Variants in DYM observed in about 807,000 individuals in gnomAD.
DYM encodes dymeclin, also known as dyggve-Melchior-Clausen syndrome protein.
A neutral mutation model predicts 93.1 loss-of-function variants in DYM; 78 were observed. The ratio of observed to expected loss-of-function variants is 0.84; its 90% CI spans 0.70 to 1.01. The LOEUF (loss-of-function observed/expected upper bound fraction) is 1.01. Among genes scored for constraint, DYM ranks in the 50% least tolerant of loss-of-function variants. DYM has a pLI of 0.00. For missense variants in DYM, 789 were observed against 845.0 expected (o/e 0.93, Z 0.82); for synonymous variants, 321 against 319.7 (o/e 1.00, Z -0.04).
At chr18:49,097,874 G>GCTCTCT (rs61301668) in intron 16 of DYM, among the ~76,000 whole-genome samples, 8,060 of 141,130 alleles carry the variant, frequency 0.057, 313 homozygotes, top group Non-Finnish European at 0.082. Flanking sequence ...CTTAATATTA[G>GCTCTCT]CTCTCTCTCT....
At chr18:49,316,363 TAAGTTTTCACTG>T (rs1481618853) in intron 8 of DYM, among the ~76,000 whole-genome samples, 4 of 152,200 alleles carry the variant, frequency 2.6e-5, no homozygotes, top group African/African-American at 9.6e-5. Context: ...AAAGGGAATG[TAAGTTTTCACTG>T]GCTTATTTTG....
At chr18:49,430,493 C>G in intron 1 of DYM, 46 bp from the exon 2 acceptor site, 1 of 1,409,898 alleles carries the variant, frequency 7.1e-7, no homozygotes, top group Non-Finnish European at 9.8e-7. Context: ...CAAAAGTCAT[C>G]ATGCTTTGTC....
intron 8 of DYM, among the ~76,000 whole-genome samples, chr18:49,297,556 TA>T (rs1218385378): frequency 6.6e-6 from 1 of 152,146 alleles, no homozygotes; most frequent in African/African-American, 2.4e-5. Flanking sequence ...TACACTTAAA[TA>T]AAAAGTTTAC....
chr18:49,416,471 G>A (rs1053236819), intron 2 of DYM, among the ~76,000 whole-genome samples: 13 of 152,160 alleles, frequency 8.5e-5, no homozygotes, highest in Non-Finnish European at 1.8e-4. Context: ...TCAGGCTGCT[G>A]CTATACTGCT....
intron 8 of DYM, among the ~76,000 whole-genome samples, chr18:49,308,225 T>C (rs1245937881): frequency 2.0e-5 from 3 of 152,122 alleles, no homozygotes; most frequent in African/African-American, 7.2e-5. Flanking sequence ...TTTTCAGAAC[T>C]CTGAATGCTC....
intron 2 of DYM, among the ~76,000 whole-genome samples, chr18:49,421,486 C>T (rs972703225): frequency 1.3e-5 from 2 of 152,166 alleles, no homozygotes; most frequent in Non-Finnish European, 2.9e-5. Flanking sequence ...CCACACCAAA[C>T]CCCATCTGTA....
At chr18:49,108,482 C>A (rs976057105) in intron 16 of DYM, among the ~76,000 whole-genome samples, 1 of 152,240 alleles carries the variant, frequency 6.6e-6, no homozygotes, top group East Asian at 1.9e-4. Context: ...AGAAATCACC[C>A]GTCTTCTGCA....
chr18:49,443,673 G>C (rs1467752947), intron 1 of DYM, among the ~76,000 whole-genome samples: 1 of 152,160 alleles, frequency 6.6e-6, no homozygotes, highest in East Asian at 1.9e-4. Flanking sequence ...CAACTCATGA[G>C]AGCAATGAGC....
Position 49,118,897 on chromosome 18 carries a change from C to A in DYM, c.1758G>T (p.Val586=), listed in dbSNP as rs1469887394. Residue 586 remains valine (V), a synonymous_variant, in exon 16 of 18, where the codon GTG becomes GTT. Coordinates refer to ENST00000675505, the MANE Select transcript of DYM (RefSeq NM_001353214.3). ...YAQDLNVIEE[V]IRMMLEIINS... is the part of the protein sequence containing the mutation. The stretch of plus-strand genomic sequence containing the variant: ...TGATGATCTCTAACATCATTCGAAT[C>A]ACTTCTTCAATGACATTTAGGTCTT... The A allele has an allele frequency of 1.2e-6, 2 of 1,614,068 alleles. No homozygotes were observed. Among genetic ancestry groups the A allele is most frequent in the African/African-American group, 2.7e-5 (2 of 75,072 alleles).
intron 13 of DYM, among the ~76,000 whole-genome samples, chr18:49,240,559 A>G (rs1223355853): frequency 1.3e-5 from 2 of 152,272 alleles, no homozygotes; most frequent in African/African-American, 2.4e-5. Context: ...CATTGATGTT[A>G]TAACAAAAGT....
chr18:49,425,877 A>C (rs1204928736), intron 2 of DYM, among the ~76,000 whole-genome samples: 1 of 152,030 alleles, frequency 6.6e-6, no homozygotes, highest in Admixed American at 6.5e-5. Flanking sequence ...AATGGCGATC[A>C]TTAAAAAGTC....
intron 13 of DYM, among the ~76,000 whole-genome samples, chr18:49,212,825 T>C (rs1057366594): frequency 5.3e-5 from 8 of 151,306 alleles, no homozygotes; most frequent in Admixed American, 3.9e-4. Context: ...AAAAAAAAAA[T>C]AGAACTGATC....
chr18:49,133,870 T>G (rs1412543574), intron 15 of DYM, among the ~76,000 whole-genome samples: 1 of 152,228 alleles, frequency 6.6e-6, no homozygotes, highest in Non-Finnish European at 1.5e-5. Flanking sequence ...TAACTTAACA[T>G]ACCTACAGGT....
chr18:49,410,670 G>C (rs1237984467), intron 2 of DYM, among the ~76,000 whole-genome samples: 1 of 151,618 alleles, frequency 6.6e-6, no homozygotes, highest in Non-Finnish European at 1.5e-5. Flanking sequence ...AAAATTAGCT[G>C]GGCATGGTAG....
chr18:49,167,017 TG>T (rs2087979078), intron 14 of DYM, among the ~76,000 whole-genome samples: 1 of 150,578 alleles, frequency 6.6e-6, no homozygotes, highest in Admixed American at 6.6e-5. Context: ...TGTGTGTGTG[TG>T]TGTGTGTGTG....
At chr18:49,419,671 C>G (rs1310361256) in intron 2 of DYM, among the ~76,000 whole-genome samples, 2 of 152,170 alleles carry the variant, frequency 1.3e-5, no homozygotes. Context: ...TCTTCCAAAA[C>G]AAGGCTTTCA....
At chr18:49,169,466 G>A (rs1168923857) in intron 14 of DYM, among the ~76,000 whole-genome samples, 1 of 152,172 alleles carries the variant, frequency 6.6e-6, no homozygotes, top group Admixed American at 6.5e-5. Flanking sequence ...CAGTGAGGAT[G>A]GCTTATCAAC....
chr18:49,362,927 C>T (rs919356137), intron 6 of DYM, among the ~76,000 whole-genome samples: 6 of 152,202 alleles, frequency 3.9e-5, no homozygotes, highest in Non-Finnish European at 7.3e-5. Flanking sequence ...TCTGTGCCTA[C>T]CATATTCTTA....
rs375313693 is a variant in DYM at position 49,350,598 on chromosome 18, T to C, written c.494+12563A>G. On this transcript the variant is annotated intron_variant, in intron 6 of 17. Coordinates refer to ENST00000675505, the MANE Select transcript of DYM (RefSeq NM_001353214.3). ...GCGGGCGCCTGTAATTCCAGCTACCTGGGAGGCTGAGGCAGGAGAATCATT... is the reference window on the plus strand; with the variant it reads ...GCGGGCGCCTGTAATTCCAGCTACCCGGGAGGCTGAGGCAGGAGAATCATT... 1.5e-4 allele frequency among the ~76,000 whole-genome samples: 23 copies of C among 151,324 alleles called. No individual in the cohort carries two copies. In the South Asian group the frequency reaches 4.2e-3, roughly 28 times the overall value.
Sources: gnomAD v4.1 joint callset for allele counts (sites outside exome capture counted in the v4.1 genomes callset) on GRCh38, gnomAD v4.1.1 for gene constraint, MANE v1.5 for transcripts, NCBI Gene and HGNC (gene_info 2026-07-23, HGNC 2026-07-21) for gene names.